PRUNE2: variants seen among roughly 807,000 people sequenced by gnomAD.
PRUNE2 encodes the protein prune homolog 2 with BCH domain, also known as protein prune homolog 2.
PRUNE2 carries 164 observed loss-of-function variants against 252.0 expected under a neutral mutation model. That is an observed-to-expected ratio of 0.65 (90% confidence interval 0.57 to 0.74). PRUNE2 has a LOEUF of 0.74. Among genes scored for constraint, PRUNE2 ranks in the 30% least tolerant of loss-of-function variants. The pLI is 0.00. For missense variants in PRUNE2, 3,495 were observed against 3,711.0 expected (o/e 0.94, Z 1.51); for synonymous variants, 1,292 against 1,350.2 (o/e 0.96, Z 0.94).
intron 1 of PRUNE2, among the ~76,000 whole-genome samples, chr9:76,889,532 C>T (rs1358226163): frequency 2.0e-5 from 3 of 152,074 alleles, no homozygotes; most frequent in Non-Finnish European, 4.4e-5. Flanking sequence ...GTTGACCTGG[C>T]TGGTCTCAAA....
At chr9:76,905,872 C>A in intron 1 of PRUNE2, 56 bp downstream of exon 1, 3 of 1,610,374 alleles carry the variant, frequency 1.9e-6, no homozygotes, top group Non-Finnish European at 2.5e-6. Context: ...TTCCTCTCCA[C>A]CTTTCCATTA....
At chr9:76,855,285 G>A (rs1379100380) in intron 1 of PRUNE2, among the ~76,000 whole-genome samples, 2 of 151,562 alleles carry the variant, frequency 1.3e-5, no homozygotes, top group Admixed American at 6.6e-5. Context: ...ACAACTTTAC[G>A]GTATGTCAGA....
intron 6 of PRUNE2, among the ~76,000 whole-genome samples, chr9:76,714,941 C>A (rs11145022): frequency 0.14 from 21,711 of 152,172 alleles, 1,946 homozygotes; most frequent in Middle Eastern, 0.27. Context: ...TATGATCATA[C>A]CACATAATTC....
Position 76,662,255 on chromosome 9 carries a change from C to G in PRUNE2, c.8277-6753G>C, listed in dbSNP as rs541262956. Reference sequence around the variant, plus strand: ...AATCTTTGCACCTTCTCTAATGATCCTGAATACCACCAAATGGAGAAAGAA... The same window carrying G: ...AATCTTTGCACCTTCTCTAATGATCGTGAATACCACCAAATGGAGAAAGAA... On this transcript the variant is annotated intron_variant, in intron 9 of 18. Coordinates refer to ENST00000376718, the MANE Select transcript of PRUNE2 (RefSeq NM_015225.3). 2.6e-5 allele frequency among the ~76,000 whole-genome samples: 4 copies of G among 152,256 alleles called. No individual in the cohort carries two copies. The East Asian group carries it at 7.7e-4, about 29-fold the overall frequency.
At chr9:76,803,122 T>C (rs1207674383) in intron 6 of PRUNE2, among the ~76,000 whole-genome samples, 1 of 152,210 alleles carries the variant, frequency 6.6e-6, no homozygotes, top group Non-Finnish European at 1.5e-5. Flanking sequence ...GAGAAATGCC[T>C]TCTAAGATGG....
chr9:76,867,683 C>T (rs547778232), intron 1 of PRUNE2, among the ~76,000 whole-genome samples: 18 of 152,314 alleles, frequency 1.2e-4, no homozygotes, highest in African/African-American at 4.3e-4. Flanking sequence ...ATTCTCCTGC[C>T]TCAGCCTTCT....
At chr9:76,616,203 G>T (rs950745430) in intron 18 of PRUNE2, among the ~76,000 whole-genome samples, 1 of 152,138 alleles carries the variant, frequency 6.6e-6, no homozygotes, top group South Asian at 2.1e-4. Context: ...TTTCTTACCT[G>T]CAGAGTTTGC....
intron 12 of PRUNE2, chr9:76,641,890 TA>T: frequency 1.4e-6 from 2 of 1,450,566 alleles, no homozygotes; most frequent in Non-Finnish European, 1.8e-6. Context: ...AACCAAAACA[TA>T]CACACACACA....
intron 4 of PRUNE2, among the ~76,000 whole-genome samples, chr9:76,833,719 T>C (rs1047131643): frequency 1.3e-5 from 2 of 150,850 alleles, no homozygotes; most frequent in Non-Finnish European, 1.5e-5. Flanking sequence ...GAGCCGAGAT[T>C]GCGCCACTGC....
chr9:76,815,695 G>A (rs1388765147), intron 6 of PRUNE2, among the ~76,000 whole-genome samples: 4 of 152,058 alleles, frequency 2.6e-5, no homozygotes, highest in Non-Finnish European at 5.9e-5. Context: ...AAAGTACTCA[G>A]GTATTTTGCA....
intron 7 of PRUNE2, among the ~76,000 whole-genome samples, chr9:76,712,914 A>C (rs2046850093): frequency 6.6e-6 from 1 of 152,172 alleles, no homozygotes; most frequent in African/African-American, 2.4e-5. Context: ...CCACCCATGG[A>C]TACATAAGGC....
At chr9:76,675,782 G>A (rs2042427588) in intron 9 of PRUNE2, among the ~76,000 whole-genome samples, 1 of 129,220 alleles carries the variant, frequency 7.7e-6, no homozygotes, top group Non-Finnish European at 1.7e-5. Flanking sequence ...GGATGAAATT[G>A]GAAACCATCA....
chr9:76,718,819 C>T (rs753957782), intron 6 of PRUNE2, among the ~76,000 whole-genome samples: 5 of 152,082 alleles, frequency 3.3e-5, no homozygotes, highest in Non-Finnish European at 5.9e-5. Context: ...TATGGCCCAC[C>T]GCCTCCTCAG....
chr9:76,647,918 C>T (rs13299482), intron 11 of PRUNE2, among the ~76,000 whole-genome samples: 27,193 of 152,048 alleles, frequency 0.18, 2,649 homozygotes, highest in Non-Finnish European at 0.21. Context: ...ACCGAGATTG[C>T]GTCACTGCAC....
intron 4 of PRUNE2, among the ~76,000 whole-genome samples, chr9:76,839,143 C>T (rs11788712): frequency 0.19 from 28,066 of 151,332 alleles, 3,332 homozygotes; most frequent in African/African-American, 0.32. Flanking sequence ...CTGAAGGGGA[C>T]GGAAATTAAA....
Position 76,672,663 on chromosome 9 carries a change from C to T in PRUNE2, c.8277-17161G>A, listed in dbSNP as rs980629759. Among the ~76,000 whole-genome samples, 51 of 148,152 alleles carry T rather than the reference C, an allele frequency of 3.4e-4. 1 individual carries two copies. Among genetic ancestry groups the T allele is most frequent in the Non-Finnish European group, 9.0e-5 (6 of 66,990 alleles). ...ACCACATACTGGGAAGTAAAGCTCT[C>T]CTCAGCAAATGTTAAAGAACAGAAA... is the stretch of plus-strand genomic sequence containing the variant. On this transcript the variant is annotated intron_variant, in intron 9 of 18. Coordinates refer to ENST00000376718, the MANE Select transcript of PRUNE2 (RefSeq NM_015225.3).
intron 4 of PRUNE2, among the ~76,000 whole-genome samples, chr9:76,845,410 A>G (rs1181843494): frequency 6.6e-6 from 1 of 152,232 alleles, no homozygotes; most frequent in East Asian, 1.9e-4. Flanking sequence ...GAGATCCCCA[A>G]TTACCTTCAT....
chr9:76,708,203 T>A lies in PRUNE2; in HGVS notation c.4071A>T (p.Glu1357Asp), dbSNP rs551412840. The A allele has an allele frequency of 6.2e-7, 1 of 1,613,960 alleles. No individual in the cohort carries two copies. Among genetic ancestry groups the A allele is most frequent in the South Asian group, 1.1e-5 (1 of 91,078 alleles). The stretch of plus-strand genomic sequence containing the variant: ...ACAGTTCCTGGTCACTCTGCCCTTT[T>A]TCAGAAATCCCTGAGGCATTCTCCA... ...SGVENASGIS[E>D]KGQSDQELSS... The change falls in exon 8 of 19, where the codon GAA becomes GAT. Residue 1357 changes from glutamate to aspartate, a missense_variant. Coordinates refer to ENST00000376718, the MANE Select transcript of PRUNE2 (RefSeq NM_015225.3).
chr9:76,672,207 G>T (rs1442944297), intron 9 of PRUNE2, among the ~76,000 whole-genome samples: 1 of 143,696 alleles, frequency 7.0e-6, no homozygotes, highest in African/African-American at 2.6e-5. Context: ...GATGGAGGAA[G>T]ATCTACCAAG....
Sources: gnomAD v4.1 joint callset for allele counts (sites outside exome capture counted in the v4.1 genomes callset) on GRCh38, gnomAD v4.1.1 for gene constraint, MANE v1.5 for transcripts, NCBI Gene and HGNC (gene_info 2026-07-23, HGNC 2026-07-21) for gene names.